Variants in GAREM1 observed in about 807,000 individuals in gnomAD.
GAREM1 encodes the protein GRB2 associated regulator of MAPK1 subtype 1.
GAREM1 carries 26 observed loss-of-function variants against 71.3 expected under a neutral mutation model. The observed-to-expected ratio is 0.36, with a 90% CI of 0.27 to 0.51. The LOEUF is 0.51. Ranked by LOEUF, GAREM1 falls within the 20% of genes least tolerant of loss-of-function variation. The probability of loss-of-function intolerance (pLI) is 0.95; values close to 1 mark genes in which losing one functional copy is unlikely to be tolerated. For synonymous variants in GAREM1, 440 were observed against 433.2 expected, an observed-to-expected ratio of 1.02 and a Z score of -0.20; for missense variants, 1,026 against 1,103.1, an observed-to-expected ratio of 0.93 and a Z score of 0.99.
At chr18:32,319,157 C>G (rs1379174658) in intron 2 of GAREM1, among the ~76,000 whole-genome samples, 1 of 152,154 alleles carries the variant, frequency 6.6e-6, no homozygotes, top group African/African-American at 2.4e-5. Context: ...GGTTCCAAGT[C>G]AACTGTACAA....
intron 1 of GAREM1, among the ~76,000 whole-genome samples, chr18:32,421,749 C>T (rs935473470): frequency 6.6e-6 from 1 of 152,138 alleles, no homozygotes; most frequent in Non-Finnish European, 1.5e-5. Context: ...AGAGTCTCCT[C>T]TGTCATATTT....
intron 2 of GAREM1, among the ~76,000 whole-genome samples, chr18:32,359,084 G>A (rs1184301954): frequency 1.3e-5 from 2 of 152,164 alleles, no homozygotes; most frequent in African/African-American, 4.8e-5. Context: ...AAAACTGTAT[G>A]TGGTAGGTTT....
chr18:32,338,116 G>A (rs999422567), intron 2 of GAREM1, among the ~76,000 whole-genome samples: 6 of 152,140 alleles, frequency 3.9e-5, no homozygotes, highest in African/African-American at 7.2e-5. Context: ...AAATGCAGAC[G>A]GAGGAAGGAA....
At chr18:32,385,575 A>G in intron 2 of GAREM1, among the ~76,000 whole-genome samples, 1 of 152,116 alleles carries the variant, frequency 6.6e-6, no homozygotes, top group Non-Finnish European at 1.5e-5. Flanking sequence ...CAAGTCTTAT[A>G]TATCTACTTA....
intron 2 of GAREM1, among the ~76,000 whole-genome samples, chr18:32,318,619 G>A (rs536207337): frequency 7.2e-5 from 11 of 152,284 alleles, no homozygotes; most frequent in South Asian, 6.2e-4. Context: ...ATGCAGCTCC[G>A]CATGATGTGT....
chr18:32,393,177 AT>A, intron 1 of GAREM1, 142 bp from the exon 2 acceptor site: 1 of 651,978 alleles, frequency 1.5e-6, no homozygotes, highest in Non-Finnish European at 2.4e-6. Context: ...TTACCTCTGA[AT>A]TGTTTTTTTT....
chr18:32,378,643 T>C (rs1456362864), intron 2 of GAREM1, among the ~76,000 whole-genome samples: 3 of 152,152 alleles, frequency 2.0e-5, no homozygotes, highest in East Asian at 1.9e-4. Context: ...TTTCCTGCTA[T>C]AGAAGAGCTC....
chr18:32,367,963 A>T (rs1342297694), intron 2 of GAREM1, among the ~76,000 whole-genome samples: 1 of 152,198 alleles, frequency 6.6e-6, no homozygotes, highest in Non-Finnish European at 1.5e-5. Flanking sequence ...TCCTAAACTA[A>T]GATCCTCAGG....
chr18:32,380,197 C>T (rs1372316482), intron 2 of GAREM1, among the ~76,000 whole-genome samples: 2 of 152,160 alleles, frequency 1.3e-5, no homozygotes, highest in African/African-American at 2.4e-5. Context: ...AAGTCTCGGC[C>T]GGGAGCAGTG....
intron 2 of GAREM1, among the ~76,000 whole-genome samples, chr18:32,367,167 A>G (rs1431186977): frequency 6.6e-6 from 1 of 152,252 alleles, no homozygotes; most frequent in Admixed American, 6.5e-5. Flanking sequence ...AGCCCAAGAA[A>G]ATAGTCTCTA....
At chr18:32,363,134 T>C (rs1267931713) in intron 2 of GAREM1, among the ~76,000 whole-genome samples, 2 of 151,874 alleles carry the variant, frequency 1.3e-5, no homozygotes, top group East Asian at 1.9e-4. Context: ...AAACTGGATA[T>C]ACCAAAGTTT....
intron 2 of GAREM1, among the ~76,000 whole-genome samples, chr18:32,379,402 T>C (rs920670902): frequency 7.3e-6 from 1 of 136,482 alleles, no homozygotes; most frequent in Non-Finnish European, 1.5e-5. Context: ...AACTTAAAAA[T>C]GCTGGGAAGG....
At chr18:32,366,681 T>C (rs1429104875) in intron 2 of GAREM1, among the ~76,000 whole-genome samples, 1 of 152,236 alleles carries the variant, frequency 6.6e-6, no homozygotes, top group African/African-American at 2.4e-5. Context: ...CAACTCTGGT[T>C]AAAATCATTA....
rs1377769670 is a variant in GAREM1 at position 32,310,290 on chromosome 18, A to G, written c.296T>C (p.Ile99Thr). The G allele has an allele frequency of 1.2e-6, 2 of 1,614,104 alleles. No individual in the cohort carries two copies. The highest frequency in any genetic ancestry group is 4.5e-5 in the East Asian group (2 of 44,876). ...GTTGAAATATTGCACTGGCTCCTTT[A>G]TATCTCGGTCTTGTTCCAGCAGCTT... The part of the protein sequence containing the change: ...QFKLLEQDRD[I>T]KEPVQYFNSV... The change falls in exon 3 of 6, where the codon ATA (isoleucine) becomes ACA (threonine). Residue 99 changes from isoleucine (I) to threonine (T), a missense_variant. By Grantham distance (89) the Ile-to-Thr change is moderately conservative (BLOSUM62 -1). Coordinates refer to ENST00000269209, the MANE Select transcript of GAREM1 (RefSeq NM_001242409.2).
intron 2 of GAREM1, among the ~76,000 whole-genome samples, chr18:32,374,229 TC>T (rs1399628320): frequency 6.6e-6 from 1 of 152,210 alleles, no homozygotes; most frequent in Admixed American, 6.5e-5. Context: ...AGTCATAAAT[TC>T]CTTTTCTGGG....
At chr18:32,400,001 C>A (rs1478093730) in intron 1 of GAREM1, among the ~76,000 whole-genome samples, 2 of 151,992 alleles carry the variant, frequency 1.3e-5, no homozygotes, top group East Asian at 3.9e-4. Context: ...CAGAACAGAG[C>A]CCTCAGAAAT....
intron 1 of GAREM1, among the ~76,000 whole-genome samples, chr18:32,447,175 G>A (rs553348579): frequency 2.0e-5 from 3 of 152,274 alleles, no homozygotes; most frequent in Admixed American, 6.5e-5. Context: ...GAAGCTGTGC[G>A]TGGGTTTCTG....
intron 1 of GAREM1, among the ~76,000 whole-genome samples, chr18:32,447,574 AG>A (rs2048796868): frequency 6.6e-6 from 1 of 152,206 alleles, no homozygotes; most frequent in African/African-American, 2.4e-5. Flanking sequence ...GGTGAAGTCT[AG>A]AAAACTATTT....
At chr18:32,417,981 C>T (rs1360729497) in intron 1 of GAREM1, among the ~76,000 whole-genome samples, 1 of 151,986 alleles carries the variant, frequency 6.6e-6, no homozygotes, top group Non-Finnish European at 1.5e-5. Context: ...CTCATGTAGC[C>T]TATAAACATA....
Sources: gnomAD v4.1 joint callset for allele counts (sites outside exome capture counted in the v4.1 genomes callset) on GRCh38, gnomAD v4.1.1 for gene constraint, MANE v1.5 for transcripts, NCBI Gene and HGNC (gene_info 2026-07-23, HGNC 2026-07-21) for gene names.